Variants in HS6ST3 observed in about 807,000 individuals in gnomAD.
The protein encoded by HS6ST3 is heparan sulfate 6-O-sulfotransferase 3, also known as heparan-sulfate 6-O-sulfotransferase 3.
Under a neutral mutation model 36.7 loss-of-function variants are expected in HS6ST3, and 12 were observed. That is an observed-to-expected ratio of 0.33 (90% CI 0.21 to 0.53). The LOEUF (loss-of-function observed/expected upper bound fraction) is 0.53. Ranked by LOEUF, HS6ST3 falls within the 20% of genes least tolerant of loss-of-function variation. HS6ST3 has a pLI of 0.95. For missense variants in HS6ST3, 584 were observed against 640.9 expected (o/e 0.91, Z 0.96); for synonymous variants, 240 against 257.5 (o/e 0.93, Z 0.65).
intron 1 of HS6ST3, among the ~76,000 whole-genome samples, chr13:96,404,473 T>C (rs2055467045): frequency 6.6e-6 from 1 of 152,210 alleles, no homozygotes; most frequent in African/African-American, 2.4e-5. Flanking sequence ...GGCTGACATA[T>C]TTCTGAACCT....
chr13:96,604,874 G>A (rs77205552), intron 1 of HS6ST3, among the ~76,000 whole-genome samples: 111 of 152,316 alleles, frequency 7.3e-4, no homozygotes, highest in African/African-American at 2.5e-3. Context: ...GTGTCTGGGA[G>A]CAGATGTCGG....
intron 1 of HS6ST3, among the ~76,000 whole-genome samples, chr13:96,463,740 G>A (rs2055796917): frequency 6.6e-6 from 1 of 151,898 alleles, no homozygotes; most frequent in African/African-American, 2.4e-5. Context: ...CCTCAAATCA[G>A]TAAGAAAAAG....
chr13:96,677,089 A>G (rs2056701221), intron 1 of HS6ST3, among the ~76,000 whole-genome samples: 1 of 152,122 alleles, frequency 6.6e-6, no homozygotes, highest in African/African-American at 2.4e-5. Flanking sequence ...GGTTGGGGAA[A>G]TTTTCAGATT....
chr13:96,758,996 A>G (rs1876900166), intron 1 of HS6ST3, among the ~76,000 whole-genome samples: 1 of 151,798 alleles, frequency 6.6e-6, no homozygotes, highest in Non-Finnish European at 1.5e-5. Flanking sequence ...TTGAATCTAT[A>G]TTATCAGATT....
At chr13:96,604,849 C>T (rs188271844) in intron 1 of HS6ST3, among the ~76,000 whole-genome samples, 3 of 152,100 alleles carry the variant, frequency 2.0e-5, no homozygotes, top group Admixed American at 2.0e-4. Flanking sequence ...TGATTTTGGA[C>T]CATTTAAGGT....
chr13:96,202,486 C>T (rs2054347719), intron 1 of HS6ST3, among the ~76,000 whole-genome samples: 1 of 152,192 alleles, frequency 6.6e-6, no homozygotes, highest in Non-Finnish European at 1.5e-5. Flanking sequence ...TCTCTTCCAT[C>T]CCACCATGCC....
intron 1 of HS6ST3, among the ~76,000 whole-genome samples, chr13:96,139,801 G>T (rs9525131): frequency 6.6e-6 from 1 of 151,932 alleles, no homozygotes; most frequent in East Asian, 1.9e-4. Flanking sequence ...CTAGGAAAAA[G>T]ATTTTTAAAA....
rs1369804774 is a variant in HS6ST3, at chr13:96,684,944, AT to A, written c.708-147545del. 7.2e-5 allele frequency among the ~76,000 whole-genome samples: 11 copies of A among 152,246 alleles called. No homozygotes were observed. The East Asian group carries it at 2.1e-3, about 29-fold the overall frequency. On this transcript the variant is annotated intron_variant, in intron 1 of 1. Coordinates refer to ENST00000376705, the MANE Select transcript of HS6ST3 (RefSeq NM_153456.4). ...TAATGCATAGATTGCATATATGTGT[AT>A]ATGTGTATACACACACAACACAAAC...
chr13:96,765,412 C>T (rs1480628770), intron 1 of HS6ST3, among the ~76,000 whole-genome samples: 1 of 152,292 alleles, frequency 6.6e-6, no homozygotes, highest in South Asian at 2.1e-4. Flanking sequence ...CACACATTGT[C>T]TGTGTCACCT....
chr13:96,350,158 T>C (rs1238151997), intron 1 of HS6ST3, among the ~76,000 whole-genome samples: 2 of 152,272 alleles, frequency 1.3e-5, no homozygotes, highest in African/African-American at 4.8e-5. Flanking sequence ...ATGTAAATTC[T>C]GTAGCTACAT....
At chr13:96,514,825 A>G (rs1238822186) in intron 1 of HS6ST3, among the ~76,000 whole-genome samples, 2 of 152,350 alleles carry the variant, frequency 1.3e-5, no homozygotes, top group South Asian at 2.1e-4. Context: ...GGAGTTATTC[A>G]TCAAACTGTT....
At chr13:96,241,776 TTTTTTCTTTC>T (rs2054561371) in intron 1 of HS6ST3, among the ~76,000 whole-genome samples, 1 of 150,626 alleles carries the variant, frequency 6.6e-6, no homozygotes, top group South Asian at 2.1e-4. Context: ...TAATATTTTC[TTTTTTCTTTC>T]TTTTTTTTTT....
At chr13:96,826,828 G>A (rs1336934092) in intron 1 of HS6ST3, among the ~76,000 whole-genome samples, 2 of 152,220 alleles carry the variant, frequency 1.3e-5, no homozygotes, top group Admixed American at 6.5e-5. Context: ...AGCCTTGATG[G>A]CCTATATTAT....
chr13:96,175,338 G>T (rs2054207306), intron 1 of HS6ST3, among the ~76,000 whole-genome samples: 1 of 150,118 alleles, frequency 6.7e-6, no homozygotes, highest in Admixed American at 6.8e-5. Context: ...CTGATACCTA[G>T]CTCCTTTCCT....
At chr13:96,253,554 C>T (rs563285737) in intron 1 of HS6ST3, among the ~76,000 whole-genome samples, 2 of 152,158 alleles carry the variant, frequency 1.3e-5, no homozygotes, top group Non-Finnish European at 2.9e-5. Flanking sequence ...GTACTCTCAT[C>T]CATGAGTGGT....
intron 1 of HS6ST3, among the ~76,000 whole-genome samples, chr13:96,800,524 CA>C (rs1878041054): frequency 6.6e-6 from 1 of 152,022 alleles, no homozygotes; most frequent in African/African-American, 2.4e-5. Context: ...ATCCCAAGGT[CA>C]AAACTTTGAA....
intron 1 of HS6ST3, among the ~76,000 whole-genome samples, chr13:96,534,311 A>G (rs2056146894): frequency 6.6e-6 from 1 of 152,190 alleles, no homozygotes; most frequent in South Asian, 2.1e-4. Context: ...TTCTAATGTA[A>G]TCCAGATATA....
chr13:96,430,108 G>A (rs1323895803), intron 1 of HS6ST3, among the ~76,000 whole-genome samples: 1 of 152,190 alleles, frequency 6.6e-6, no homozygotes, highest in Non-Finnish European at 1.5e-5. Flanking sequence ...TCTTAGCATA[G>A]CTGTGGATGC....
chr13:96,401,606 G>T (rs967019262), intron 1 of HS6ST3, among the ~76,000 whole-genome samples: 20 of 152,126 alleles, frequency 1.3e-4, no homozygotes, highest in African/African-American at 4.3e-4. Flanking sequence ...ACCAAATCTT[G>T]CTCTGTCGCC....
Sources: gnomAD v4.1 joint callset for allele counts (sites outside exome capture counted in the v4.1 genomes callset) on GRCh38, gnomAD v4.1.1 for gene constraint, MANE v1.5 for transcripts, NCBI Gene and HGNC (gene_info 2026-07-23, HGNC 2026-07-21) for gene names.